Variants in UGT2B7 observed in about 807,000 individuals in gnomAD.
UGT2B7 encodes UDP glucuronosyltransferase family 2 member B7.
Under a neutral mutation model 51.9 loss-of-function variants are expected in UGT2B7, and 51 were observed. That is an observed-to-expected ratio of 0.98 (90% confidence interval 0.78 to 1.24). UGT2B7 has a LOEUF of 1.24. Ranked by LOEUF, UGT2B7 falls within the 50% of genes most tolerant of loss-of-function variation. The pLI is 0.00. For missense variants in UGT2B7, 727 were observed against 628.4 expected, an observed-to-expected ratio of 1.16 and a Z score of -1.68; for synonymous variants, 225 against 211.6, an observed-to-expected ratio of 1.06 and a Z score of -0.55.
intron 1 of UGT2B7, among the ~76,000 whole-genome samples, chr4:69,080,407 G>A (rs570110600): frequency 6.6e-6 from 1 of 151,970 alleles, no homozygotes; most frequent in East Asian, 1.9e-4. Flanking sequence ...AATTAGCCAG[G>A]CATGGTAGCA....
At chr4:69,079,940 T>C (rs1353105730) in intron 1 of UGT2B7, among the ~76,000 whole-genome samples, 1 of 152,162 alleles carries the variant, frequency 6.6e-6, no homozygotes, top group East Asian at 1.9e-4. Flanking sequence ...AAATAATATT[T>C]ATTGTCAAAT....
intron 1 of UGT2B7, among the ~76,000 whole-genome samples, chr4:69,079,694 A>G (rs1455416982): frequency 6.6e-6 from 1 of 152,114 alleles, no homozygotes; most frequent in Non-Finnish European, 1.5e-5. Context: ...ATATTCTAAA[A>G]TCATTGTAGT....
intron 1 of UGT2B7, among the ~76,000 whole-genome samples, chr4:69,098,111 T>C (rs1719300055): frequency 6.6e-6 from 1 of 152,034 alleles, no homozygotes; most frequent in African/African-American, 2.4e-5. Flanking sequence ...GCTTAATGAG[T>C]TGTGTAAACT....
At chr4:69,106,757 A>G (rs777774031) in intron 3 of UGT2B7, among the ~76,000 whole-genome samples, 5 of 151,846 alleles carry the variant, frequency 3.3e-5, no homozygotes, top group Non-Finnish European at 7.4e-5. Context: ...CACCAGTATC[A>G]TGATATTTTT....
chr4:69,087,839 T>C (rs544401413), intron 1 of UGT2B7, among the ~76,000 whole-genome samples: 32 of 152,116 alleles, frequency 2.1e-4, no homozygotes, highest in African/African-American at 7.5e-4. Context: ...TTGTTTAATA[T>C]GGTATAAACC....
chr4:69,092,701 A>T (rs1024507008), upstream of UGT2B7, among the ~76,000 whole-genome samples: 12 of 152,130 alleles, frequency 7.9e-5, no homozygotes, highest in Admixed American at 7.9e-4. Context: ...GAGGCATTAG[A>T]TAAGTGTCTT....
intron 3 of UGT2B7, among the ~76,000 whole-genome samples, chr4:69,103,305 A>G (rs1719486249): frequency 6.6e-6 from 1 of 152,112 alleles, no homozygotes; most frequent in African/African-American, 2.4e-5. Context: ...ATAGCCTTAA[A>G]TATGCTTGTA....
chr4:69,084,330 T>TTCTCTCTCTCTCTCTCTC (rs71204073), intron 1 of UGT2B7, among the ~76,000 whole-genome samples: 5,508 of 147,934 alleles, frequency 0.037, 143 homozygotes, highest in Middle Eastern at 0.12. Flanking sequence ...TCTATAAATT[T>TTCTCTCTCTCTCTCTCTC]TCTCTCTCTC....
intron 3 of UGT2B7, among the ~76,000 whole-genome samples, chr4:69,104,948 T>C (rs1246637106): frequency 6.6e-6 from 1 of 152,176 alleles, no homozygotes. Flanking sequence ...CAGGGTACTA[T>C]TCAGAGACAG....
intron 1 of UGT2B7, among the ~76,000 whole-genome samples, chr4:69,077,349 C>T (rs1468153251): frequency 6.6e-6 from 1 of 151,980 alleles, no homozygotes; most frequent in Non-Finnish European, 1.5e-5. Flanking sequence ...ATGGCAATAG[C>T]ATTGAATTTA....
chr4:69,085,654 G>GT (rs546160766), intron 1 of UGT2B7, among the ~76,000 whole-genome samples: 80 of 151,766 alleles, frequency 5.3e-4, no homozygotes, highest in African/African-American at 1.9e-3. Context: ...TCAGTTCATG[G>GT]TTTTTTGTTT....
chr4:69,092,453 G>T (rs1414468201), upstream of UGT2B7, among the ~76,000 whole-genome samples: 1 of 152,124 alleles, frequency 6.6e-6, no homozygotes, highest in Admixed American at 6.5e-5. Flanking sequence ...TGGCTGAGTT[G>T]CTTGCAGTCC....
chr4:69,107,202 C>A lies in UGT2B7; in HGVS notation c.1030C>A (p.Pro344Thr). ...KVLWRFDGNK[P>T]DTLGLNTRLY... ...TCTGTGGAGATTTGATGGGAATAAA[C>A]CAGATACCTTAGGTCTCAATACTCG... Residue 344 changes from proline (P) to threonine (T), a missense_variant, in exon 4 of 6, where the codon CCA (proline) becomes ACA (threonine). Coordinates refer to ENST00000305231, the MANE Select transcript of UGT2B7 (RefSeq NM_001074.4). The A allele has an allele frequency of 6.2e-7, 1 of 1,609,374 alleles. No homozygotes were observed. Among genetic ancestry groups the A allele is most frequent in the Non-Finnish European group, 8.5e-7 (1 of 1,177,162 alleles).
chr4:69,076,988 T>C (rs1184728959), intron 1 of UGT2B7, among the ~76,000 whole-genome samples: 1 of 152,150 alleles, frequency 6.6e-6, no homozygotes, highest in East Asian at 1.9e-4. Flanking sequence ...CCAGTTCAGT[T>C]TTCTGCATAT....
intron 1 of UGT2B7, among the ~76,000 whole-genome samples, chr4:69,052,258 T>C (rs951484191): frequency 3.3e-5 from 5 of 151,950 alleles, no homozygotes; most frequent in African/African-American, 1.2e-4. Flanking sequence ...TACAGCTGTC[T>C]TTAGACCCCT....
upstream of UGT2B7, among the ~76,000 whole-genome samples, chr4:69,095,567 A>G (rs1221851754): frequency 1.3e-5 from 2 of 152,216 alleles, no homozygotes; most frequent in Admixed American, 1.3e-4. Context: ...TAGTCTTGTA[A>G]CAGGGTCTGC....
chr4:69,103,069 C>T (rs1203631406), intron 3 of UGT2B7, 131 bp downstream of exon 3: 4 of 1,464,256 alleles, frequency 2.7e-6, no homozygotes, highest in Non-Finnish European at 3.6e-6. Flanking sequence ...CAAGGATAAT[C>T]TTGGAGAAAC....
intron 1 of UGT2B7, among the ~76,000 whole-genome samples, chr4:69,075,849 A>G (rs749511652): frequency 6.6e-6 from 1 of 152,176 alleles, no homozygotes; most frequent in Non-Finnish European, 1.5e-5. Context: ...CTACATAGGT[A>G]TACATGTACC....
At position 69,062,557 on chromosome 4, in the gene UGT2B7, C is replaced by G. The variant is rs1046052951; in HGVS notation, c.-159+10955C>G. 3.9e-5 allele frequency among the ~76,000 whole-genome samples: 6 copies of G among 152,132 alleles called. No individual in the cohort carries two copies. In the South Asian group the frequency reaches 6.2e-4, roughly 16 times the overall value. ...CCACTGTTGTTAAAATTGCAGGTAT[C>G]GTGCCTTGGATCCACCACAGTCAGC... is the stretch of plus-strand genomic sequence containing the variant. On this transcript the variant is annotated intron_variant, in intron 1 of 5. Coordinates refer to the UGT2B7 transcript ENST00000502942.
Sources: allele counts gnomAD v4.1 joint callset (sites outside exome capture counted in the v4.1 genomes callset), GRCh38; gene constraint gnomAD v4.1.1; transcripts MANE v1.5; gene names NCBI Gene and HGNC (gene_info 2026-07-23, HGNC 2026-07-21).